The following ZNF717 variants were observed in gnomAD, a reference collection of about 807,000 sequenced individuals.
ZNF717 encodes the protein zinc finger protein 717, also known as krueppel-like factor X17.
ZNF717 carries 9 observed loss-of-function variants against 13.8 expected under a neutral mutation model. The observed-to-expected ratio is 0.65, with a 90% confidence interval of 0.39 to 1.14. The LOEUF is 1.14. Among genes scored for constraint, ZNF717 ranks in the 50% most tolerant of loss-of-function variants. The pLI, the probability that ZNF717 is intolerant of heterozygous loss-of-function variation, is 0.01. For synonymous variants in ZNF717, 327 were observed against 364.1 expected (o/e 0.90, Z 1.16); for missense variants, 1,040 against 1,080.7 (o/e 0.96, Z 0.53).
chr3:75,703,486 T>C (rs1480408397), intron 6 of ZNF717, among the ~76,000 whole-genome samples: 1 of 152,198 alleles, frequency 6.6e-6, no homozygotes, highest in Non-Finnish European at 1.5e-5. Flanking sequence ...GCCAGGATGG[T>C]GCACTGCACT....
chr3:75,722,225 A>T (rs1365072454), intron 4 of ZNF717, among the ~76,000 whole-genome samples: 1 of 152,064 alleles, frequency 6.6e-6, no homozygotes, highest in Non-Finnish European at 1.5e-5. Context: ...GTGCCACTGC[A>T]CTCCAGCCTG....
intron 4 of ZNF717, among the ~76,000 whole-genome samples, chr3:75,722,164 G>A (rs1938181658): frequency 6.6e-6 from 1 of 151,990 alleles, no homozygotes; most frequent in African/African-American, 2.4e-5. Context: ...GGAGGCTGAG[G>A]CCAGAGAATC....
chr3:75,699,093 T>A, intron 6 of ZNF717, among the ~76,000 whole-genome samples: 1 of 152,312 alleles, frequency 6.6e-6, no homozygotes, highest in Non-Finnish European at 1.5e-5. Context: ...GGTCCTGTGG[T>A]CCATTTCTTT....
intron 2 of ZNF717, among the ~76,000 whole-genome samples, chr3:75,765,239 A>G (rs137988979): frequency 0.023 from 3,558 of 151,922 alleles, 120 homozygotes; most frequent in African/African-American, 0.08. Context: ...GGGGGAAATT[A>G]ATAGTTGTTG....
chr3:75,768,145 A>G (rs7433487), intron 2 of ZNF717, among the ~76,000 whole-genome samples: 28,930 of 149,626 alleles, frequency 0.19, 2,809 homozygotes, highest in African/African-American at 0.25. Flanking sequence ...ACCGTTAGAC[A>G]GGGCCTGCAG....
chr3:75,765,035 ATGTGTG>A (rs150835839), intron 2 of ZNF717, among the ~76,000 whole-genome samples: 873 of 81,784 alleles, frequency 0.011, 24 homozygotes, highest in African/African-American at 0.034. Flanking sequence ...ATATATGTAT[ATGTGTG>A]TGTGTGTGTG....
In ZNF717 at chr3:75,779,562, C is replaced by T. The variant is rs1427129611; in HGVS notation, c.57+3744G>A. ...GTCCTGCTAAACCAGAAACCCAAAACAACGGGAGTGACGTGCTAAAACCGC... is the reference window on the plus strand; with the variant it reads ...GTCCTGCTAAACCAGAAACCCAAAATAACGGGAGTGACGTGCTAAAACCGC... On this transcript the variant is annotated intron_variant, in intron 2 of 4. Transcript: ENST00000652011. 1.4e-4 allele frequency among the ~76,000 whole-genome samples: 20 copies of T among 143,136 alleles called. No individual in the cohort carries two copies. In the East Asian group the frequency reaches 4.0e-3, roughly 29 times the overall value. The allele number at this position is 143,136 out of a possible 152,430, so 93.9% of individuals were successfully genotyped here. A position where few individuals can be genotyped will look rare whatever the true frequency, so the allele number is the denominator to read the frequency against.
chr3:75,747,023 G>C (rs4677588), intron 2 of ZNF717, among the ~76,000 whole-genome samples: 126,665 of 151,818 alleles, frequency 0.83, 52,826 homozygotes, highest in East Asian at 0.89. Flanking sequence ...TTTAATCCAT[G>C]TTGAATTAAT....
chr3:75,735,644 AAAAAAAAAAAAAAGCAACG>A (rs1323833686), downstream of ZNF717, among the ~76,000 whole-genome samples: 3 of 140,382 alleles, frequency 2.1e-5, no homozygotes, highest in East Asian at 4.2e-4. Flanking sequence ...ATAAAAAAAA[AAAAAAAAAAAAAAGCAACG>A]AGAGGAAACA....
At chr3:75,724,417 A>AT (rs111281779) in intron 4 of ZNF717, among the ~76,000 whole-genome samples, 1 of 150,182 alleles carries the variant, frequency 6.7e-6, no homozygotes, top group Non-Finnish European at 1.5e-5. Context: ...CCTGGCTAAT[A>AT]TTTTTTGTAG....
At chr3:75,695,498 A>G (rs1416140096) in intron 6 of ZNF717, among the ~76,000 whole-genome samples, 36 of 151,428 alleles carry the variant, frequency 2.4e-4, no homozygotes, top group African/African-American at 8.6e-4. Flanking sequence ...ATATTTACAG[A>G]AAATTTCATC....
At chr3:75,712,140 C>T (rs1328493769) in intron 5 of ZNF717, among the ~76,000 whole-genome samples, 1 of 152,236 alleles carries the variant, frequency 6.6e-6, no homozygotes, top group African/African-American at 2.4e-5. Flanking sequence ...AAAGTTATCA[C>T]CTCAGCCAAG....
At chr3:75,750,393 GA>G (rs1941648470) in intron 2 of ZNF717, among the ~76,000 whole-genome samples, 1 of 148,472 alleles carries the variant, frequency 6.7e-6, no homozygotes, top group Non-Finnish European at 1.5e-5. Flanking sequence ...TATGTTACGA[GA>G]GTCTGAATGT....
At chr3:75,780,830 G>C (rs1045121063) in intron 2 of ZNF717, among the ~76,000 whole-genome samples, 20 of 152,242 alleles carry the variant, frequency 1.3e-4, no homozygotes, top group African/African-American at 4.6e-4. Flanking sequence ...ATCAAACTAA[G>C]ACTTTAAGGA....
At chr3:75,757,733 T>C (rs1942615349) in intron 2 of ZNF717, among the ~76,000 whole-genome samples, 1 of 152,070 alleles carries the variant, frequency 6.6e-6, no homozygotes, top group Admixed American at 6.6e-5. Flanking sequence ...CTAGGCAAAA[T>C]AATTGAAAAT....
intron 1 of ZNF717, among the ~76,000 whole-genome samples, chr3:75,783,829 C>T (rs181040061): frequency 1.8e-3 from 274 of 152,302 alleles, no homozygotes; most frequent in African/African-American, 5.9e-3. Flanking sequence ...ATGGAAAGTG[C>T]ATCTTGCAAC....
chr3:75,721,972 G>C (rs1393963574), intron 4 of ZNF717, among the ~76,000 whole-genome samples: 2 of 151,970 alleles, frequency 1.3e-5, no homozygotes, highest in African/African-American at 4.8e-5. Context: ...TATTTGCCGG[G>C]TGCGGTGGCT....
At chr3:75,711,807 A>G (rs78751860) in intron 5 of ZNF717, among the ~76,000 whole-genome samples, 1 of 152,034 alleles carries the variant, frequency 6.6e-6, no homozygotes, top group Non-Finnish European at 1.5e-5. Flanking sequence ...TATGAAAAGC[A>G]GTTTTGGACT....
chr3:75,740,251 T>C (rs1282333980), intron 4 of ZNF717, among the ~76,000 whole-genome samples: 2 of 152,220 alleles, frequency 1.3e-5, no homozygotes, highest in Admixed American at 6.5e-5. Flanking sequence ...CATCTTCCAA[T>C]GGTAACTACA....
Sources: allele counts gnomAD v4.1 joint callset (sites outside exome capture counted in the v4.1 genomes callset), GRCh38; gene constraint gnomAD v4.1.1; transcripts MANE v1.5; gene names NCBI Gene and HGNC (gene_info 2026-07-23, HGNC 2026-07-21).